TMEM97: variants seen among roughly 807,000 people sequenced by gnomAD.
The protein encoded by TMEM97 is transmembrane protein 97.
A neutral mutation model predicts 18.3 loss-of-function variants in TMEM97; 13 were observed. The ratio of observed to expected loss-of-function variants is 0.71; its 90% confidence interval spans 0.46 to 1.13. The LOEUF (loss-of-function observed/expected upper bound fraction) is 1.13, where lower values mean the gene tolerates loss of function less well. Ranked by LOEUF, TMEM97 falls within the 50% of genes most tolerant of loss-of-function variation. TMEM97 has a pLI of 0.00. For missense variants in TMEM97, 205 were observed against 210.5 expected (o/e 0.97, Z 0.16); for synonymous variants, 76 against 85.3 (o/e 0.89, Z 0.60).
At chr17:28,319,767 C>T (rs1906074051) in intron 1 of TMEM97, 1 of 157,800 alleles carries the variant, frequency 6.3e-6, no homozygotes, top group African/African-American at 2.4e-5. Flanking sequence ...CCAGTCTGAT[C>T]CCAAAGAAAA....
Position 28,326,831 on chromosome 17 carries a change from G to T in TMEM97, c.*38G>T, listed in dbSNP as rs375640398. On this transcript the variant is annotated 3_prime_UTR_variant, in exon 3 of 3. Transcript: ENST00000226230. ...CTGGCCCAGGGTAGAGATGCCTACA[G>T]GGTGGTTGCTTGTTGGATACAATAC... is the stretch of plus-strand genomic sequence containing the variant. 21 of 1,586,686 alleles carry T rather than the reference G, an allele frequency of 1.3e-5. No individual in the cohort carries two copies. The African/African-American group carries it at 2.6e-4, about 20-fold the overall frequency.
chr17:28,319,598 C>T (rs1906064071), intron 1 of TMEM97: 1 of 441,870 alleles, frequency 2.3e-6, no homozygotes, highest in South Asian at 5.2e-5. Flanking sequence ...CCTTTAAAGT[C>T]ACTTCTTCCC....
rs200078797 is a variant in TMEM97 at position 28,325,579 on chromosome 17, C to T, written c.203C>T (p.Ser68Phe). The T allele has an allele frequency of 1.1e-5, 17 of 1,614,206 alleles. No homozygotes were observed. Among genetic ancestry groups the T allele is most frequent in the Non-Finnish European group, 1.1e-5 (13 of 1,180,024 alleles). The change falls in exon 2 of 3, where the codon TCC becomes TTC. Residue 68 changes from serine to phenylalanine, a missense_variant. Physicochemically the swap from Ser to Phe is radical, Grantham distance 155. Coordinates refer to ENST00000226230, the MANE Select transcript of TMEM97 (RefSeq NM_014573.3). ...CAGGAGCCCCCAGCCTGGTTTAAGT[C>T]CTTTCTGTTTTGCGAGCTTGTGTTT... ...LLQEPPAWFK[S>F]FLFCELVFQL...
Position 28,326,529 on chromosome 17 carries a change from C to G in TMEM97, c.272-5C>G. 6.2e-7 allele frequency: 1 copy of G among 1,612,494 alleles called. No individual in the cohort carries two copies. Among genetic ancestry groups the G allele is most frequent in the East Asian group, 2.2e-5 (1 of 44,868 alleles). ...ACCATTTTTCTTTTCCCCTGACTACCTCAGGAAGCTGCAAGTGGATTCGAA... is the reference window on the plus strand; with the variant it reads ...ACCATTTTTCTTTTCCCCTGACTACGTCAGGAAGCTGCAAGTGGATTCGAA... On this transcript the variant is annotated splice_polypyrimidine_tract_variant and splice_region_variant and intron_variant, in intron 2 of 2. Coordinates refer to ENST00000226230, the MANE Select transcript of TMEM97 (RefSeq NM_014573.3).
At chr17:28,323,268 G>A (rs1165896148) in intron 1 of TMEM97, among the ~76,000 whole-genome samples, 4 of 152,106 alleles carry the variant, frequency 2.6e-5, no homozygotes, top group African/African-American at 7.2e-5. Context: ...TCATTATTAC[G>A]ACATCTGGGT....
chr17:28,322,702 C>T (rs1036379395), intron 1 of TMEM97, among the ~76,000 whole-genome samples: 1 of 152,148 alleles, frequency 6.6e-6, no homozygotes, highest in Admixed American at 6.5e-5. Context: ...GCTCTGAAAT[C>T]AGTCTGTGTT....
At chr17:28,322,501 C>A (rs552644969) in intron 1 of TMEM97, among the ~76,000 whole-genome samples, 21 of 152,254 alleles carry the variant, frequency 1.4e-4, no homozygotes, top group African/African-American at 4.8e-4. Context: ...GCCTCAGCCT[C>A]CCAAAGTGCT....
chr17:28,326,966 T>A lies in TMEM97; in HGVS notation c.*173T>A. 1 of 546,740 alleles carries A rather than the reference T, an allele frequency of 1.8e-6. No homozygotes were observed. Among genetic ancestry groups the A allele is most frequent in the Non-Finnish European group, 2.8e-6 (1 of 360,140 alleles). The allele number at this position is 546,740 out of a possible 1,614,324, so 33.9% of individuals were successfully genotyped here. A position where few individuals can be genotyped will look rare whatever the true frequency, so the allele number is the denominator to read the frequency against. On this transcript the variant is annotated 3_prime_UTR_variant, in exon 3 of 3. Transcript: ENST00000226230. Reference sequence around the variant, plus strand: ...ATGTCAAACCCTCACCTTCTTCCATTTTTTTTTTTTTTTTAAGACAGTCTC... The same window carrying A: ...ATGTCAAACCCTCACCTTCTTCCATATTTTTTTTTTTTTTAAGACAGTCTC...
chr17:28,325,366 G>A, intron 1 of TMEM97, 137 bp from the exon 2 acceptor site: 1 of 1,113,416 alleles, frequency 9.0e-7, no homozygotes, highest in Non-Finnish European at 1.3e-6. Flanking sequence ...AAAGCCAGCT[G>A]GACATGCCAT....
At chr17:28,325,350 G>A (rs1402467908) in intron 1 of TMEM97, among the ~76,000 whole-genome samples, 153 bp from the exon 2 acceptor site, 3 of 152,216 alleles carry the variant, frequency 2.0e-5, no homozygotes, top group Non-Finnish European at 4.4e-5. Flanking sequence ...CCTAGGCTGT[G>A]TCACAAAAGC....
rs201879172 is a variant in TMEM97 at position 28,319,343 on chromosome 17, C to T, written c.104C>T (p.Pro35Leu). The change falls in exon 1 of 3, where the codon CCG (proline) becomes CTG (leucine). Residue 35 changes from proline (P) to leucine (L), a missense_variant. Coordinates refer to ENST00000226230, the MANE Select transcript of TMEM97 (RefSeq NM_014573.3). ...TTCATGGACCTGCAGGCGGTGCTGC[C>T]GCGCGAGCTCTACCCAGTCGAGGTG... ...TLFMDLQAVL[P>L]RELYPVEFRN... 2 of 1,607,074 alleles carry T rather than the reference C, an allele frequency of 1.2e-6. No homozygotes were observed. Among genetic ancestry groups the T allele is most frequent in the African/African-American group, 1.3e-5 (1 of 74,266 alleles).
rs782193014 is a variant in TMEM97 at position 28,325,592 on chromosome 17, C to T, written c.216C>T (p.Cys72=). The change falls in exon 2 of 3, where the codon TGC becomes TGT. Residue 72 remains cysteine, a synonymous_variant. Transcript: ENST00000226230. Reference sequence around the variant, plus strand: ...CCTGGTTTAAGTCCTTTCTGTTTTGCGAGCTTGTGTTTCAGCTGCCTTTCT... The same window carrying T: ...CCTGGTTTAAGTCCTTTCTGTTTTGTGAGCTTGTGTTTCAGCTGCCTTTCT... ...PPAWFKSFLF[C]ELVFQLPFFP... is the part of the protein sequence containing the mutation. 8 of 1,614,222 alleles carry T rather than the reference C, an allele frequency of 5.0e-6. No individual in the cohort carries two copies. Among genetic ancestry groups the T allele is most frequent in the African/African-American group, 1.3e-5 (1 of 75,064 alleles).
In TMEM97 at chr17:28,328,401, A is replaced by C. The variant is rs1194512863; in HGVS notation, c.*1608A>C. The C allele has an allele frequency of 5.2e-6, 2 of 383,506 alleles. No homozygotes were observed. Among genetic ancestry groups the C allele is most frequent in the Non-Finnish European group, 9.3e-6 (2 of 215,062 alleles). The allele number at this position is 383,506 out of a possible 1,614,324, so 23.8% of individuals were successfully genotyped here. ...TACAAAAAAAAGGATGAAAGTTTAC[A>C]AACTGCTTAGTTCCAACTAAGCATA... On this transcript the variant is annotated 3_prime_UTR_variant, in exon 3 of 3. Coordinates refer to ENST00000226230, the MANE Select transcript of TMEM97 (RefSeq NM_014573.3).
rs183839374 is a variant in TMEM97, at chr17:28,326,819, G to A, written c.*26G>A. On this transcript the variant is annotated 3_prime_UTR_variant, in exon 3 of 3. Transcript: ENST00000226230. ...AGGAAACAACCACTGGCCCAGGGTA[G>A]AGATGCCTACAGGGTGGTTGCTTGT... The A allele has an allele frequency of 6.2e-7, 1 of 1,602,250 alleles. No homozygotes were observed. The highest frequency in any genetic ancestry group is 8.5e-7 in the Non-Finnish European group (1 of 1,178,006).
chr17:28,323,500 G>A (rs1220967231), intron 1 of TMEM97, among the ~76,000 whole-genome samples: 1 of 151,164 alleles, frequency 6.6e-6, no homozygotes, highest in Non-Finnish European at 1.5e-5. Context: ...GCTCGATCTC[G>A]GCTCACTGCA....
rs1555575494 is a variant in TMEM97, at chr17:28,326,605, C to T, written c.343C>T (p.Leu115Phe). ...VHTMTTLIPI[L>F]STFLFEDFSK... is the part of the protein sequence containing the mutation. Reference sequence around the variant, plus strand: ...CACCATGACAACCTTAATTCCGATACTCTCCACATTTCTGTTTGAGGATTT... The same window carrying T: ...CACCATGACAACCTTAATTCCGATATTCTCCACATTTCTGTTTGAGGATTT... The change falls in exon 3 of 3, where the codon CTC (leucine) becomes TTC (phenylalanine). Residue 115 changes from leucine (L) to phenylalanine (F), a missense_variant. Leu to Phe is a conservative substitution (Grantham distance 22). Coordinates refer to ENST00000226230, the MANE Select transcript of TMEM97 (RefSeq NM_014573.3). The T allele has an allele frequency of 2.5e-6, 4 of 1,614,200 alleles. No individual in the cohort carries two copies. The highest frequency in any genetic ancestry group is 1.6e-4 in the Middle Eastern group (1 of 6,062).
intron 1 of TMEM97, among the ~76,000 whole-genome samples, chr17:28,321,890 ATCTGTGTGTGTG>A (rs1906161989): frequency 7.3e-6 from 1 of 137,308 alleles, no homozygotes; most frequent in Non-Finnish European, 1.6e-5. Context: ...GTGTGTGTGT[ATCTGTGTGTGTG>A]ATGATGTTTG....
intron 2 of TMEM97, chr17:28,325,864 T>C: frequency 1.7e-6 from 1 of 604,768 alleles, no homozygotes. Context: ...GCCTCAGTCG[T>C]CTGGAAATCC....
chr17:28,324,409 C>T (rs868969300), intron 1 of TMEM97, among the ~76,000 whole-genome samples: 7 of 152,154 alleles, frequency 4.6e-5, no homozygotes, highest in Non-Finnish European at 7.4e-5. Context: ...TTCACAATAG[C>T]GAGGCTTTAT....
Sources: gnomAD v4.1 joint callset for allele counts (sites outside exome capture counted in the v4.1 genomes callset) on GRCh38, gnomAD v4.1.1 for gene constraint, MANE v1.5 for transcripts, NCBI Gene and HGNC (gene_info 2026-07-23, HGNC 2026-07-21) for gene names.